The following ZBBX variants were observed in gnomAD, a reference collection of about 807,000 sequenced individuals.
The protein encoded by ZBBX is zinc finger B-box domain containing.
In ZBBX, 101 loss-of-function variants were observed where a neutral mutation model predicts 108.5. The observed-to-expected ratio is 0.93, with a 90% CI of 0.79 to 1.10. ZBBX has a LOEUF of 1.10. Ranked by LOEUF, ZBBX falls within the 50% of genes least tolerant of loss-of-function variation. The pLI, the probability that ZBBX is intolerant of heterozygous loss-of-function variation, is 0.00. For synonymous variants in ZBBX, 356 were observed against 323.4 expected (o/e 1.10, Z -1.08); for missense variants, 1,009 against 941.4 (o/e 1.07, Z -0.94).
the ZBBX span, among the ~76,000 whole-genome samples, chr3:167,183,462 C>T: frequency 1.6e-4 from 25 of 152,280 alleles, no homozygotes; most frequent in Middle Eastern, 3.4e-3. Flanking sequence ...AACCCAGCGG[C>T]GCTAGAGGAA....
At chr3:167,231,127 C>T in the ZBBX span, among the ~76,000 whole-genome samples, 4 of 151,728 alleles carry the variant, frequency 2.6e-5, no homozygotes, top group East Asian at 1.9e-4. Context: ...TGAAAATTTA[C>T]GATTCTGTTT....
intron 20 of ZBBX, among the ~76,000 whole-genome samples, chr3:167,249,406 C>A (rs1560022119): frequency 6.6e-6 from 1 of 152,126 alleles, no homozygotes; most frequent in African/African-American, 2.4e-5. Context: ...GTCCCAGGGG[C>A]AACCCCAGCA....
chr3:167,237,309 C>T (rs1381884694), downstream of ZBBX, among the ~76,000 whole-genome samples: 1 of 151,776 alleles, frequency 6.6e-6, no homozygotes, highest in Non-Finnish European at 1.5e-5. Context: ...TTGTCTGCAG[C>T]ATGTGCATGT....
At chr3:167,344,090 G>A (rs973283523) in intron 9 of ZBBX, among the ~76,000 whole-genome samples, 7 of 151,704 alleles carry the variant, frequency 4.6e-5, no homozygotes, top group African/African-American at 1.2e-4. Context: ...CATTGAAAAC[G>A]TTATGCAAGT....
chr3:167,178,761 C>T, the ZBBX span, among the ~76,000 whole-genome samples: 1 of 152,142 alleles, frequency 6.6e-6, no homozygotes, highest in African/African-American at 2.4e-5. Context: ...TCTTTCTTTG[C>T]ATCTGGTTTC....
At chr3:167,237,846 A>G (rs1018208190), downstream of ZBBX, among the ~76,000 whole-genome samples, 1 of 151,972 alleles carries the variant, frequency 6.6e-6, no homozygotes, top group Non-Finnish European at 1.5e-5. Flanking sequence ...CAAAATTCTT[A>G]TATTGTAAAA....
At position 167,330,868 on chromosome 3, in the gene ZBBX, GAGGAGAAGA is replaced by G. The variant is rs1375781444; in HGVS notation, c.688-2761_688-2753del. On this transcript the variant is annotated intron_variant, in intron 10 of 21. Transcript: ENST00000675490. ...AGAGGAGGAGGAGGAGGAGGAGGAGGAGGAGAAGAAGAAGAAGAAGAAGAAGAAGAAGAA... is the reference window on the plus strand; with the variant it reads ...AGAGGAGGAGGAGGAGGAGGAGGAGGAGAAGAAGAAGAAGAAGAAGAAGAA... Among the ~76,000 whole-genome samples, 22 of 43,338 alleles carry G rather than the reference GAGGAGAAGA, an allele frequency of 5.1e-4. 1 individual carries two copies. The East Asian group carries it at 5.1e-3, about 10-fold the overall frequency. The allele number at this position is 43,338 out of a possible 152,430, so 28.4% of individuals were successfully genotyped here.
At chr3:167,391,045 G>T (rs973980753) in intron 1 of ZBBX, among the ~76,000 whole-genome samples, 1 of 152,144 alleles carries the variant, frequency 6.6e-6, no homozygotes, top group East Asian at 1.9e-4. Context: ...GTGAGAGAGG[G>T]CATCCTTGTC....
intron 15 of ZBBX, 106 bp downstream of exon 15, chr3:167,315,644 C>T (rs1735312044): frequency 1.3e-6 from 1 of 758,254 alleles, no homozygotes; most frequent in East Asian, 2.6e-5. Context: ...ATTAATGTCA[C>T]ATGTTTTTTC....
At chr3:167,337,791 A>G (rs1739825764) in intron 9 of ZBBX, among the ~76,000 whole-genome samples, 1 of 152,180 alleles carries the variant, frequency 6.6e-6, no homozygotes, top group Non-Finnish European at 1.5e-5. Flanking sequence ...AGTAACAACA[A>G]TGAATAAGAA....
intron 8 of ZBBX, among the ~76,000 whole-genome samples, chr3:167,351,674 G>A (rs988366609): frequency 1.3e-5 from 2 of 152,108 alleles, no homozygotes; most frequent in Non-Finnish European, 2.9e-5. Context: ...TTCATGTGAA[G>A]TCCCATAGGC....
the ZBBX span, among the ~76,000 whole-genome samples, chr3:167,190,691 C>T: frequency 1.3e-5 from 2 of 152,102 alleles, no homozygotes; most frequent in Admixed American, 6.5e-5. Flanking sequence ...ATGTTTTTAT[C>T]ACTAGAGATT....
At chr3:167,317,414 G>T in intron 13 of ZBBX, 74 bp downstream of exon 13, 1 of 1,156,044 alleles carries the variant, frequency 8.7e-7, no homozygotes, top group Non-Finnish European at 1.2e-6. Context: ...ACCAAAAGCA[G>T]ATTCTGATTA....
At chr3:167,374,111 G>C (rs1416737212) in intron 2 of ZBBX, among the ~76,000 whole-genome samples, 1 of 152,034 alleles carries the variant, frequency 6.6e-6, no homozygotes, top group Non-Finnish European at 1.5e-5. Context: ...AAGAATCTTT[G>C]AGATACAATC....
intron 10 of ZBBX, 132 bp from the exon 11 acceptor site, chr3:167,328,248 T>A (rs114164295): frequency 0.017 from 15,587 of 893,470 alleles, 209 homozygotes; most frequent in South Asian, 0.027. Context: ...ATCAGACTTT[T>A]TAAACTTAGA....
At chr3:167,289,111 T>C in intron 18 of ZBBX, 128 bp from the exon 19 acceptor site, 1 of 375,344 alleles carries the variant, frequency 2.7e-6, no homozygotes, top group Admixed American at 4.7e-5. Flanking sequence ...GTGATATATA[T>C]TATGAAATAC....
At chr3:167,221,903 G>C in the ZBBX span, among the ~76,000 whole-genome samples, 2 of 151,876 alleles carry the variant, frequency 1.3e-5, no homozygotes, top group Non-Finnish European at 2.9e-5. Flanking sequence ...TTATCCAAAA[G>C]ACAGGCAATA....
chr3:167,269,273 G>T (rs1026404619), intron 20 of ZBBX, among the ~76,000 whole-genome samples: 13 of 152,168 alleles, frequency 8.5e-5, no homozygotes, highest in Non-Finnish European at 1.6e-4. Context: ...CTCTTCAGAA[G>T]ACCTTTGAGT....
intron 1 of ZBBX, among the ~76,000 whole-genome samples, chr3:167,407,653 G>A (rs977255182): frequency 1.3e-5 from 2 of 152,024 alleles, no homozygotes; most frequent in African/African-American, 4.8e-5. Flanking sequence ...AGAAAATCAT[G>A]AGGAAGAAAA....
Sources: gnomAD v4.1 joint callset for allele counts (sites outside exome capture counted in the v4.1 genomes callset) on GRCh38, gnomAD v4.1.1 for gene constraint, MANE v1.5 for transcripts, NCBI Gene and HGNC (gene_info 2026-07-23, HGNC 2026-07-21) for gene names.